Variants in PPFIA3 observed in about 807,000 individuals in gnomAD.
PPFIA3 encodes the protein liprin-alpha-3.
In PPFIA3, 26 loss-of-function variants were observed where a neutral mutation model predicts 145.8. That is an observed-to-expected ratio of 0.18 (90% CI 0.13 to 0.25). PPFIA3 has a LOEUF of 0.25. Ranked by LOEUF, PPFIA3 falls within the 10% of genes least tolerant of loss-of-function variation. The pLI, the probability that PPFIA3 is intolerant of heterozygous loss-of-function variation, is 1.00. For synonymous variants in PPFIA3, 645 were observed against 661.4 expected (o/e 0.98, Z 0.38); for missense variants, 1,008 against 1,587.8 (o/e 0.63, Z 6.21).
intron 1 of PPFIA3, among the ~76,000 whole-genome samples, chr19:49,125,690 T>G (rs2040988236): frequency 1.3e-5 from 2 of 152,046 alleles, no homozygotes; most frequent in South Asian, 2.1e-4. Flanking sequence ...CTTCTGGGTC[T>G]AAGCGAGGAA....
chr19:49,138,274 T>G lies in PPFIA3; in HGVS notation c.1923T>G (p.Ser641=), dbSNP rs1275960738. ...AEELESRVSS[S]GLDSLGRYRS... is the part of the protein sequence containing the mutation. ...AGCTGGAGAGTCGGGTGTCCAGCTC[T>G]GGCTTGGACTCGTTGGGCCGCTACC... is the stretch of plus-strand genomic sequence containing the variant. The change falls in exon 16 of 30, where the codon TCT becomes TCG. Residue 641 remains serine (S), a synonymous_variant. Transcript: ENST00000334186. The G allele has an allele frequency of 1.2e-6, 2 of 1,613,486 alleles. No individual in the cohort carries two copies. Among genetic ancestry groups the G allele is most frequent in the Non-Finnish European group, 1.7e-6 (2 of 1,179,698 alleles).
intron 23 of PPFIA3, among the ~76,000 whole-genome samples, chr19:49,147,634 C>G (rs572113569): frequency 6.6e-6 from 1 of 151,012 alleles, no homozygotes. Context: ...TGCAGTGAGA[C>G]GAGATCGTGC....
intron 7 of PPFIA3, among the ~76,000 whole-genome samples, chr19:49,131,072 C>T (rs961704295): frequency 5.5e-5 from 8 of 144,374 alleles, no homozygotes; most frequent in Non-Finnish European, 1.0e-4. Context: ...TGGGGTTTCA[C>T]TATGTTGGCC....
intron 7 of PPFIA3, 146 bp from the exon 8 acceptor site, chr19:49,132,855 T>C: frequency 1.0e-6 from 1 of 1,003,050 alleles, no homozygotes; most frequent in Non-Finnish European, 1.4e-6. Context: ...GGACTTAAGA[T>C]GGGCTAGTCC....
At chr19:49,135,656 C>G in intron 13 of PPFIA3, 123 bp from the exon 14 acceptor site, 1 of 1,074,930 alleles carries the variant, frequency 9.3e-7, no homozygotes, top group African/African-American at 1.6e-5. Flanking sequence ...AGGCTTGAGC[C>G]ACCAGGCCTG....
Position 49,150,094 on chromosome 19 carries a change from A to G in PPFIA3, c.3541A>G (p.Ser1181Gly), listed in dbSNP as rs2041328794. Reference sequence around the variant, plus strand: ...TCTCCCTCCAGGCCAGACTTCTGGGAGTTCCCGGGCAGACGGCGTTTCGGT... The same window carrying G: ...TCTCCCTCCAGGCCAGACTTCTGGGGGTTCCCGGGCAGACGGCGTTTCGGT... ...KLQPEGQTSG[S>G]SRADGVSVRT... The change falls in exon 29 of 30, where the codon AGT becomes GGT. Residue 1181 changes from serine (S) to glycine (G), a missense_variant. Physicochemically the swap from Ser to Gly is moderately conservative, Grantham distance 56 (BLOSUM62 0). This residue lies in a region of PPFIA3 where 125 missense variants were observed against 159.3 expected (regional missense o/e 0.78). Transcript: ENST00000334186. The G allele has an allele frequency of 6.2e-7, 1 of 1,610,396 alleles. No individual in the cohort carries two copies. Among genetic ancestry groups the G allele is most frequent in the African/African-American group, 1.3e-5 (1 of 74,930 alleles).
At chr19:49,141,671 A>G (rs2041225729) in intron 19 of PPFIA3, among the ~76,000 whole-genome samples, 158 bp downstream of exon 19, 1 of 151,446 alleles carries the variant, frequency 6.6e-6, no homozygotes, top group South Asian at 2.1e-4. Context: ...AGAAATGGGA[A>G]TTCAATGCTG....
At position 49,128,583 on chromosome 19, in the gene PPFIA3, TC is replaced by T; in HGVS notation, c.342+116del. 1 of 988,868 alleles carries T rather than the reference TC, an allele frequency of 1.0e-6. No individual in the cohort carries two copies. Among genetic ancestry groups the T allele is most frequent in the Non-Finnish European group, 1.5e-6 (1 of 655,168 alleles). The allele number at this position is 988,868 out of a possible 1,614,324, so 61.3% of individuals were successfully genotyped here. A position where few individuals can be genotyped will look rare whatever the true frequency, so the allele number is the denominator to read the frequency against. ...CTATTTTTTTCCCCCATCTCGCCTT[TC>T]TGTCTTCTCCTCTTCCCTGCTCCCA... On this transcript the variant is annotated intron_variant, in intron 3 of 29. Coordinates refer to ENST00000334186, the MANE Select transcript of PPFIA3 (RefSeq NM_003660.4). This position sits in a 1 kb window ranked among gnomAD's most constrained non-coding sequence, Gnocchi z 4.1.
Position 49,128,251 on chromosome 19 carries a change from A to C in PPFIA3, c.241-116A>C. On this transcript the variant is annotated intron_variant, in intron 2 of 29. Transcript: ENST00000334186. This position sits in a 1 kb window ranked among gnomAD's most constrained non-coding sequence, Gnocchi z 4.1. ...CGTTAATGGGCGGGGCCTGAGTGGC[A>C]AGGGACAGCGGGACTTAGCAGGGAG... is the stretch of plus-strand genomic sequence containing the variant. 1 of 1,484,448 alleles carries C rather than the reference A, an allele frequency of 6.7e-7. No individual in the cohort carries two copies. The highest frequency in any genetic ancestry group is 9.3e-7 in the Non-Finnish European group (1 of 1,078,622). 92.0% of individuals were successfully genotyped at this position (1,484,448 alleles called of 1,614,324 possible).
At chr19:49,144,591 G>A (rs1033844525) in intron 21 of PPFIA3, among the ~76,000 whole-genome samples, 1 of 152,052 alleles carries the variant, frequency 6.6e-6, no homozygotes, top group Non-Finnish European at 1.5e-5. Flanking sequence ...GCGTATACCT[G>A]TAGTCCTAGC....
At position 49,146,211 on chromosome 19, in the gene PPFIA3, G is replaced by C. The variant is rs757995933; in HGVS notation, c.2835+19G>C. The C allele has an allele frequency of 3.1e-6, 5 of 1,612,812 alleles. No homozygotes were observed. The highest frequency in any genetic ancestry group is 2.2e-5 in the South Asian group (2 of 90,972). ...GGAGCAGGTAGGGGGCGCGGGGCGG[G>C]GCGTGAGCGCATGAACAGGCTGTGC... On this transcript the variant is annotated intron_variant, in intron 23 of 29. Coordinates refer to ENST00000334186, the MANE Select transcript of PPFIA3 (RefSeq NM_003660.4).
rs768481357 is a variant in PPFIA3 at position 49,128,334 on chromosome 19, C to G, written c.241-33C>G. 5.0e-6 allele frequency: 8 copies of G among 1,605,902 alleles called. No homozygotes were observed. The African/African-American group carries it at 1.1e-4, about 21-fold the overall frequency. Reference sequence around the variant, plus strand: ...TGAAGGAGACAGGGAAAGGATTGAGCCGAATGTCCAGATCCTGCCAATGTC... The same window carrying G: ...TGAAGGAGACAGGGAAAGGATTGAGGCGAATGTCCAGATCCTGCCAATGTC... On this transcript the variant is annotated intron_variant, in intron 2 of 29. Transcript: ENST00000334186. The surrounding 1 kb of genome is among the most constrained non-coding windows in gnomAD (Gnocchi z 4.1).
rs1600357398 is a variant in PPFIA3, at chr19:49,150,021, C to G, written c.3527-59C>G. 3.9e-6 allele frequency: 6 copies of G among 1,549,852 alleles called. No individual in the cohort carries two copies. In the East Asian group the frequency reaches 1.4e-4, roughly 36 times the overall value. On this transcript the variant is annotated intron_variant, in intron 28 of 29. Transcript: ENST00000334186. The stretch of plus-strand genomic sequence containing the variant: ...GAAGGGAAGTCCAAAGGGAGGAATC[C>G]TGGAGAGGAACAGGGAGGAGGGTGC...
At position 49,120,371 on chromosome 19, in the gene PPFIA3, C is replaced by T. The variant is rs2040922624; in HGVS notation, c.-16+649C>T. ...GTTCTGCCGGCCAGGCTCGTGGCCCCGTCCTCGGCACCCCAGGTTCCTGGG... is the reference window on the plus strand; with the variant it reads ...GTTCTGCCGGCCAGGCTCGTGGCCCTGTCCTCGGCACCCCAGGTTCCTGGG... On this transcript the variant is annotated intron_variant, in intron 1 of 29. Coordinates refer to ENST00000334186, the MANE Select transcript of PPFIA3 (RefSeq NM_003660.4). The surrounding 1 kb of genome is among the most constrained non-coding windows in gnomAD (Gnocchi z 4.6). 6.6e-6 allele frequency among the ~76,000 whole-genome samples: 1 copy of T among 152,172 alleles called. No homozygotes were observed. Among genetic ancestry groups the T allele is most frequent in the Admixed American group, 6.5e-5 (1 of 15,282 alleles).
intron 1 of PPFIA3, among the ~76,000 whole-genome samples, chr19:49,122,226 G>A (rs1812499): frequency 0.3 from 44,958 of 151,308 alleles, 6,986 homozygotes; most frequent in African/African-American, 0.34. Context: ...GATTACAGGC[G>A]CCTACCACCA....
At chr19:49,122,559 T>C (rs1432373645) in intron 1 of PPFIA3, among the ~76,000 whole-genome samples, 1 of 152,178 alleles carries the variant, frequency 6.6e-6, no homozygotes, top group African/African-American at 2.4e-5. Context: ...CCAGGAGCAA[T>C]CTAACTTCTA....
Position 49,134,625 on chromosome 19 carries a change from C to T in PPFIA3, c.1378-14C>T. On this transcript the variant is annotated splice_polypyrimidine_tract_variant and intron_variant, in intron 11 of 29. Transcript: ENST00000334186. Reference sequence around the variant, plus strand: ...CTCAGGCCTCACTCCCTCACTTCACCTCTGTCTCCACAGAACTCCCTGAGC... The same window carrying T: ...CTCAGGCCTCACTCCCTCACTTCACTTCTGTCTCCACAGAACTCCCTGAGC... 2 of 1,613,110 alleles carry T rather than the reference C, an allele frequency of 1.2e-6. No individual in the cohort carries two copies. Among genetic ancestry groups the T allele is most frequent in the Non-Finnish European group, 1.7e-6 (2 of 1,179,562 alleles).
intron 25 of PPFIA3, 110 bp from the exon 26 acceptor site, chr19:49,148,883 C>A: frequency 6.4e-7 from 1 of 1,560,254 alleles, no homozygotes; most frequent in Non-Finnish European, 8.8e-7. Flanking sequence ...GGGGGTGGAG[C>A]CAGCGTGGGG....
chr19:49,138,966 G>T (rs954658430), intron 16 of PPFIA3, among the ~76,000 whole-genome samples: 2 of 129,802 alleles, frequency 1.5e-5, no homozygotes, highest in African/African-American at 2.7e-5. Context: ...GTGAAACTGT[G>T]TCTCAAAAAA....
Sources: allele counts gnomAD v4.1 joint callset (sites outside exome capture counted in the v4.1 genomes callset), GRCh38; gene constraint gnomAD v4.1.1; regional missense constraint gnomAD v4.1.1; non-coding constraint Gnocchi (gnomAD v3.1); transcripts MANE v1.5; gene names NCBI Gene and HGNC (gene_info 2026-07-23, HGNC 2026-07-21).